Variants in CREG1 observed in about 807,000 individuals in gnomAD.
CREG1 encodes the protein protein CREG1.
Under a neutral mutation model 19.9 loss-of-function variants are expected in CREG1, and 20 were observed. The ratio of observed to expected loss-of-function variants is 1.01; its 90% confidence interval spans 0.71 to 1.46. The LOEUF is 1.46. Ranked by LOEUF, CREG1 falls within the 40% of genes most tolerant of loss-of-function variation. The pLI is 0.00. For missense variants in CREG1, 290 were observed against 314.9 expected, an observed-to-expected ratio of 0.92 and a Z score of 0.60; for synonymous variants, 141 against 143.3, an observed-to-expected ratio of 0.98 and a Z score of 0.12.
intron 3 of CREG1, among the ~76,000 whole-genome samples, chr1:167,545,886 A>G (rs554071825): frequency 1.1e-4 from 17 of 152,304 alleles, no homozygotes; most frequent in African/African-American, 3.6e-4. Context: ...ACACATTTAC[A>G]AATATTTTCA....
intron 1 of CREG1, among the ~76,000 whole-genome samples, chr1:167,548,652 C>A (rs1204420364): frequency 6.6e-6 from 1 of 152,218 alleles, no homozygotes; most frequent in Admixed American, 6.5e-5. Context: ...TGAGTTTTAT[C>A]CCACATTCAA....
Position 167,548,086 on chromosome 1 carries a change from T to G in CREG1, c.390A>C (p.Ala130=). 8 of 1,613,426 alleles carry G rather than the reference T, an allele frequency of 5.0e-6. No individual in the cohort carries two copies. The highest frequency in any genetic ancestry group is 6.8e-6 in the Non-Finnish European group (8 of 1,179,332). The part of the protein sequence containing the change: ...NPYATLTMTL[A]QTNFCKKHGF... Reference sequence around the variant, plus strand: ...CATGTTTCTTGCAGAAGTTGGTCTGTGCCAAAGTCATGGTCAGTGTAGCAT... The same window carrying G: ...CATGTTTCTTGCAGAAGTTGGTCTGGGCCAAAGTCATGGTCAGTGTAGCAT... The change falls in exon 2 of 4, where the codon GCA becomes GCC. Residue 130 remains alanine (A), a synonymous_variant. Coordinates refer to ENST00000370509, the MANE Select transcript of CREG1 (RefSeq NM_003851.3).
At chr1:167,553,175 G>T (rs1214906874) in intron 1 of CREG1, among the ~76,000 whole-genome samples, 1 of 152,206 alleles carries the variant, frequency 6.6e-6, no homozygotes, top group Admixed American at 6.5e-5. Flanking sequence ...CCAGGTGCGT[G>T]GCCCAGTGGC....
At chr1:167,546,418 C>A (rs556249761) in intron 2 of CREG1, 133 bp from the exon 3 acceptor site, 3 of 543,444 alleles carry the variant, frequency 5.5e-6, no homozygotes, top group Admixed American at 3.7e-5. Context: ...CCAAGGCGGG[C>A]GGATCACGAG....
At chr1:167,545,320 C>T (rs750026850) in intron 3 of CREG1, among the ~76,000 whole-genome samples, 3 of 152,042 alleles carry the variant, frequency 2.0e-5, no homozygotes, top group Admixed American at 6.5e-5. Flanking sequence ...CAGGGGTCTG[C>T]GAACTTGGCT....
intron 3 of CREG1, among the ~76,000 whole-genome samples, chr1:167,543,995 G>A (rs986061867): frequency 2.0e-5 from 3 of 152,224 alleles, no homozygotes; most frequent in African/African-American, 4.8e-5. Context: ...AGATAACTGC[G>A]CTTTAGAGAT....
intron 1 of CREG1, among the ~76,000 whole-genome samples, chr1:167,551,497 C>T (rs1301281408): frequency 2.6e-5 from 4 of 152,206 alleles, no homozygotes; most frequent in Admixed American, 1.3e-4. Context: ...TAATGTCCTA[C>T]CTGACAGCCA....
intron 3 of CREG1, among the ~76,000 whole-genome samples, chr1:167,542,581 G>T (rs1656244223): frequency 6.6e-6 from 1 of 152,194 alleles, no homozygotes; most frequent in African/African-American, 2.4e-5. Flanking sequence ...ACGCTACTAG[G>T]ATGTAGCAAG....
intron 1 of CREG1, among the ~76,000 whole-genome samples, chr1:167,551,078 A>G (rs1397480598): frequency 6.6e-6 from 1 of 152,246 alleles, no homozygotes; most frequent in Non-Finnish European, 1.5e-5. Context: ...CGGTCCCACT[A>G]TAAGCTAACA....
At chr1:167,547,719 A>G (rs112808638) in intron 2 of CREG1, among the ~76,000 whole-genome samples, 403 of 152,206 alleles carry the variant, frequency 2.6e-3, no homozygotes, top group African/African-American at 9.1e-3. Context: ...TCAGGAGTTC[A>G]AGACCAGCCT....
In CREG1 at chr1:167,553,728, G is replaced by C. The variant is rs1337158961; in HGVS notation, c.14C>G (p.Ser5Cys). MAGL[S>C]RGSARALLAA... ...GAGCAGTGCGCGCGCGGACCCGCGG[G>C]ATAGCCCGGCCATGGCGGTGTCTCC... is the stretch of plus-strand genomic sequence containing the variant. Residue 5 changes from serine (S) to cysteine (C), a missense_variant, in exon 1 of 4, where the codon TCC becomes TGC. Ser to Cys is a moderately radical substitution (Grantham distance 112). Transcript: ENST00000370509. 16 of 1,287,046 alleles carry C rather than the reference G, an allele frequency of 1.2e-5. No homozygotes were observed. The highest frequency in any genetic ancestry group is 1.6e-5 in the Non-Finnish European group (16 of 1,021,194). 79.7% of individuals were successfully genotyped at this position (1,287,046 alleles called of 1,614,324 possible).
Position 167,542,048 on chromosome 1 carries a change from T to G in CREG1, c.*250A>C. 2 of 384,988 alleles carry G rather than the reference T, an allele frequency of 5.2e-6. No homozygotes were observed. Among genetic ancestry groups the G allele is most frequent in the Non-Finnish European group, 9.3e-6 (2 of 214,042 alleles). The allele number at this position is 384,988 out of a possible 1,614,324, so 23.8% of individuals were successfully genotyped here. ...TGGGACAAAACTTATTTGATTATAG[T>G]GAAGGATATTTCTCTACGAAAATGG... On this transcript the variant is annotated 3_prime_UTR_variant, in exon 4 of 4. Coordinates refer to ENST00000370509, the MANE Select transcript of CREG1 (RefSeq NM_003851.3).
intron 1 of CREG1, 68 bp downstream of exon 1, chr1:167,553,320 G>C: frequency 1.7e-6 from 2 of 1,168,596 alleles, no homozygotes; most frequent in Admixed American, 8.3e-5. Flanking sequence ...ATTCTGGGGA[G>C]AGTGAAGGCT....
chr1:167,546,169 G>C lies in CREG1; in HGVS notation c.591C>G (p.Ile197Met), dbSNP rs773453068. ...GTCCACCAAAGTAGTCCAGGACCCA[G>C]ATATTGGTTATATTCAACTTAGCAA... ...WFFAKLNITN[I>M]WVLDYFGGPK... The change falls in exon 3 of 4, where the codon ATC (isoleucine) becomes ATG (methionine). Residue 197 changes from isoleucine to methionine, a missense_variant. By Grantham distance (10) the Ile-to-Met change is conservative. Transcript: ENST00000370509. 4 of 1,613,504 alleles carry C rather than the reference G, an allele frequency of 2.5e-6. No homozygotes were observed. The highest frequency in any genetic ancestry group is 1.7e-6 in the Non-Finnish European group (2 of 1,179,836).
In CREG1 at chr1:167,542,292, T is replaced by A; in HGVS notation, c.*6A>T. The A allele has an allele frequency of 1.2e-6, 2 of 1,604,242 alleles. No individual in the cohort carries two copies. The highest frequency in any genetic ancestry group is 1.7e-6 in the Non-Finnish European group (2 of 1,176,472). On this transcript the variant is annotated 3_prime_UTR_variant, in exon 4 of 4. Coordinates refer to ENST00000370509, the MANE Select transcript of CREG1 (RefSeq NM_003851.3). The stretch of plus-strand genomic sequence containing the variant: ...ATAAGTGTTGCTAAATTCACCACAG[T>A]CTGCTTCACCTAGAAAGGGGAACAG...
At chr1:167,550,130 C>T (rs563821617) in intron 1 of CREG1, among the ~76,000 whole-genome samples, 2 of 152,284 alleles carry the variant, frequency 1.3e-5, no homozygotes, top group South Asian at 2.1e-4. Flanking sequence ...GCTGGGACTA[C>T]GGTCGTACAC....
intron 3 of CREG1, among the ~76,000 whole-genome samples, chr1:167,543,537 C>A (rs768180407): frequency 5.3e-5 from 8 of 152,240 alleles, no homozygotes; most frequent in Admixed American, 4.6e-4. Context: ...AGCTCCAGAA[C>A]GCCTGTGAGG....
chr1:167,544,070 T>A (rs949561981), intron 3 of CREG1, among the ~76,000 whole-genome samples: 1 of 152,204 alleles, frequency 6.6e-6, no homozygotes, highest in African/African-American at 2.4e-5. Flanking sequence ...ATCCTGATAA[T>A]TTGTTGCCAG....
At chr1:167,543,075 G>A (rs1227727721) in intron 3 of CREG1, among the ~76,000 whole-genome samples, 3 of 152,038 alleles carry the variant, frequency 2.0e-5, no homozygotes, top group South Asian at 2.1e-4. Flanking sequence ...ATGAAACCCT[G>A]CCTCTACTAA....
Sources: gnomAD v4.1 joint callset for allele counts (sites outside exome capture counted in the v4.1 genomes callset) on GRCh38, gnomAD v4.1.1 for gene constraint, MANE v1.5 for transcripts, NCBI Gene and HGNC (gene_info 2026-07-23, HGNC 2026-07-21) for gene names.